The following METTL4 variants were observed in gnomAD, a reference collection of about 807,000 sequenced individuals.
METTL4 encodes the protein methyltransferase 4, N6-adenosine.
A neutral mutation model predicts 54.0 loss-of-function variants in METTL4; 40 were observed. The observed-to-expected ratio is 0.74, with a 90% CI of 0.58 to 0.96. The LOEUF (loss-of-function observed/expected upper bound fraction) is 0.96, where lower values mean the gene tolerates loss of function less well. METTL4 is among the 50% of genes least tolerant of loss of function. The pLI is 0.00. For synonymous variants in METTL4, 169 were observed against 183.8 expected (o/e 0.92, Z 0.65); for missense variants, 525 against 549.0 (o/e 0.96, Z 0.44).
intron 3 of METTL4, among the ~76,000 whole-genome samples, chr18:2,559,562 A>G (rs1270136703): frequency 6.6e-6 from 1 of 152,214 alleles, no homozygotes; most frequent in Non-Finnish European, 1.5e-5. Flanking sequence ...TGGTTAAAAC[A>G]GTAAATTTTA....
In METTL4 at chr18:2,544,270, C is replaced by T. The variant is rs368748723; in HGVS notation, c.1198G>A (p.Val400Met). 28 of 1,611,840 alleles carry T rather than the reference C, an allele frequency of 1.7e-5. No homozygotes were observed. Among genetic ancestry groups the T allele is most frequent in the Middle Eastern group, 1.6e-4 (1 of 6,076 alleles). ...ALPLRNADVN[V>M]LPIPDHKLIV... The stretch of plus-strand genomic sequence containing the variant: ...AATTTGTGGTCTGGAATGGGGAGCA[C>T]GTTTACATCTGCATTCCTAATTAAA... Residue 400 changes from valine to methionine, a missense_variant, in exon 8 of 9, where the codon GTG becomes ATG. Val to Met is a conservative substitution (Grantham distance 21, BLOSUM62 1). Transcript: ENST00000574538.
At chr18:2,548,785 G>A (rs771436258) in intron 5 of METTL4, among the ~76,000 whole-genome samples, 5 of 152,076 alleles carry the variant, frequency 3.3e-5, no homozygotes, top group African/African-American at 4.8e-5. Flanking sequence ...ACCGCCAATC[G>A]TTTCATTGTC....
chr18:2,549,433 A>C (rs2072119241), intron 5 of METTL4, among the ~76,000 whole-genome samples: 1 of 152,120 alleles, frequency 6.6e-6, no homozygotes, highest in African/African-American at 2.4e-5. Context: ...GGAGAGGAGA[A>C]AGAAGAGGAC....
rs139862881 is a variant in METTL4 at position 2,542,223 on chromosome 18, T to C, written c.1273+1972A>G. On this transcript the variant is annotated intron_variant, in intron 8 of 8. Transcript: ENST00000574538. ...TCATTTTTTTTTTCTTTTATTATTA[T>C]ACTTTAAGTTTTAGGGTACATGTGC... Among the ~76,000 whole-genome samples the C allele has an allele frequency of 6.6e-3, 1,010 of 152,196 alleles. 8 individuals carry two copies. Among genetic ancestry groups the C allele is most frequent in the African/African-American group, 0.023 (949 of 41,524 alleles).
At chr18:2,551,743 T>C (rs1421420405) in intron 5 of METTL4, among the ~76,000 whole-genome samples, 1 of 151,206 alleles carries the variant, frequency 6.6e-6, no homozygotes, top group Non-Finnish European at 1.5e-5. Flanking sequence ...AAGAAACAAA[T>C]CCTACTGGCA....
At chr18:2,539,225 AG>A in intron 8 of METTL4, 80 bp from the exon 9 acceptor site, 2 of 1,116,450 alleles carry the variant, frequency 1.8e-6, no homozygotes, top group South Asian at 2.8e-5. Flanking sequence ...GAGTAGAAAC[AG>A]AGAAATATTT....
chr18:2,563,839 A>G lies in METTL4; in HGVS notation c.417T>C (p.Val139=), dbSNP rs371268612. The part of the protein sequence containing the change: ...IIGKKRKRCV[V]FNQGELDAME... ...TAGCATCCAATTCACCTTGATTGAA[A>G]ACAACACATCTTTTACGCTTCTAAA... Residue 139 remains valine, a synonymous_variant, in exon 3 of 9, where the codon GTT becomes GTC. Transcript: ENST00000574538. The G allele has an allele frequency of 4.3e-6, 7 of 1,609,778 alleles. No individual in the cohort carries two copies. Among genetic ancestry groups the G allele is most frequent in the Non-Finnish European group, 5.9e-6 (7 of 1,177,868 alleles).
chr18:2,555,173 GA>G, intron 3 of METTL4, 135 bp from the exon 4 acceptor site: 1 of 954,288 alleles, frequency 1.0e-6, no homozygotes, highest in Non-Finnish European at 1.6e-6. Context: ...GTACTACAAT[GA>G]AAAGAATGTG....
intron 4 of METTL4, 133 bp downstream of exon 4, chr18:2,554,536 C>T: frequency 1.3e-6 from 1 of 778,492 alleles, no homozygotes; most frequent in South Asian, 1.8e-5. Context: ...ACCTAAGAGA[C>T]AAATAACCCA....
intron 5 of METTL4, among the ~76,000 whole-genome samples, chr18:2,548,154 A>T (rs1940078436): frequency 6.6e-6 from 1 of 152,076 alleles, no homozygotes; most frequent in South Asian, 2.1e-4. Flanking sequence ...GGGTTCTCTA[A>T]AGCCCTCATA....
chr18:2,539,482 A>AT (rs68032364), intron 8 of METTL4, among the ~76,000 whole-genome samples: 47 of 101,520 alleles, frequency 4.6e-4, no homozygotes, highest in South Asian at 1.1e-3. Flanking sequence ...TATTTATTTA[A>AT]TTTTTTTTTT....
chr18:2,557,903 G>T (rs533732342), intron 3 of METTL4, among the ~76,000 whole-genome samples: 2 of 152,278 alleles, frequency 1.3e-5, no homozygotes, highest in South Asian at 4.1e-4. Context: ...CACAGTTCTT[G>T]ACAGGGGTAC....
intron 3 of METTL4, among the ~76,000 whole-genome samples, chr18:2,558,715 G>A (rs2072273756): frequency 6.6e-6 from 1 of 151,928 alleles, no homozygotes; most frequent in Non-Finnish European, 1.5e-5. Flanking sequence ...TTGAATATTT[G>A]TAAATCATAT....
At chr18:2,554,486 AT>A in intron 4 of METTL4, 182 bp downstream of exon 4, 1 of 555,718 alleles carries the variant, frequency 1.8e-6, no homozygotes, top group Admixed American at 3.7e-5. Context: ...CACAATATTT[AT>A]TTTTTTAAAA....
At chr18:2,542,357 T>A in intron 8 of METTL4, among the ~76,000 whole-genome samples, 1 of 71,358 alleles carries the variant, frequency 1.4e-5, no homozygotes, top group Non-Finnish European at 2.7e-5. Flanking sequence ...CCCTCCCCCC[T>A]CCCCCCACCC....
At chr18:2,554,524 A>C in intron 4 of METTL4, 145 bp downstream of exon 4, 1 of 709,332 alleles carries the variant, frequency 1.4e-6, no homozygotes. Flanking sequence ...CCTTAAAATT[A>C]AACCTAAGAG....
chr18:2,561,473 A>T (rs747145975), intron 3 of METTL4: 1 of 152,366 alleles, frequency 6.6e-6, no homozygotes, highest in East Asian at 1.9e-4. Flanking sequence ...CATCTTAAAG[A>T]TGTCAACACT....
At chr18:2,561,108 GT>G (rs1202410807) in intron 3 of METTL4, 11 of 152,172 alleles carry the variant, frequency 7.2e-5, no homozygotes, top group African/African-American at 2.6e-4. Flanking sequence ...TTGAAACCCA[GT>G]ATTATGCTTA....
At chr18:2,560,842 C>T (rs2072306354) in intron 3 of METTL4, among the ~76,000 whole-genome samples, 4 of 152,140 alleles carry the variant, frequency 2.6e-5, no homozygotes, top group Admixed American at 1.3e-4. Context: ...TGGGCCACTG[C>T]ACTCCAGCCT....
Sources: allele counts gnomAD v4.1 joint callset (sites outside exome capture counted in the v4.1 genomes callset), GRCh38; gene constraint gnomAD v4.1.1; transcripts MANE v1.5; gene names NCBI Gene and HGNC (gene_info 2026-07-23, HGNC 2026-07-21).